RBL1: variants seen among roughly 807,000 people sequenced by gnomAD.
RBL1 encodes the protein retinoblastoma-like protein 1.
A neutral mutation model predicts 123.0 loss-of-function variants in RBL1; 82 were observed. The ratio of observed to expected loss-of-function variants is 0.67; its 90% CI spans 0.56 to 0.80. The LOEUF is 0.80. Ranked by LOEUF, RBL1 falls within the 30% of genes least tolerant of loss-of-function variation. RBL1 has a pLI of 0.00. For synonymous variants in RBL1, 405 were observed against 441.3 expected (o/e 0.92, Z 1.03); for missense variants, 1,171 against 1,299.6 (o/e 0.90, Z 1.52).
intron 2 of RBL1, among the ~76,000 whole-genome samples, chr20:37,077,616 C>T (rs1368078503): frequency 6.6e-6 from 1 of 152,120 alleles, no homozygotes; most frequent in Non-Finnish European, 1.5e-5. Flanking sequence ...AAGCCTCCAT[C>T]GTGTGAGCCA....
chr20:36,998,321 G>C lies in RBL1; in HGVS notation c.*438C>G, dbSNP rs527954114. The C allele has an allele frequency of 6.5e-6, 1 of 152,790 alleles. No homozygotes were observed. The highest frequency in any genetic ancestry group is 2.4e-5 in the African/African-American group (1 of 41,526). 9.5% of individuals were successfully genotyped at this position (152,790 alleles called of 1,614,324 possible). A position where few individuals can be genotyped will look rare whatever the true frequency, so the allele number is the denominator to read the frequency against. On this transcript the variant is annotated 3_prime_UTR_variant, in exon 22 of 22. Coordinates refer to ENST00000373664, the MANE Select transcript of RBL1 (RefSeq NM_002895.5). ...TGGCTCACCACAACCTCCGCTTCCT[G>C]GGTTCAAGCAATTCTGCCTCAGCCT...
intron 2 of RBL1, among the ~76,000 whole-genome samples, chr20:37,080,941 C>T (rs1600597573): frequency 6.6e-6 from 1 of 152,176 alleles, no homozygotes; most frequent in Admixed American, 6.6e-5. Context: ...AAGGATCCAT[C>T]ATCAGACTGT....
At chr20:37,011,061 C>A (rs2064141592) in intron 19 of RBL1, among the ~76,000 whole-genome samples, 1 of 152,086 alleles carries the variant, frequency 6.6e-6, no homozygotes, top group Admixed American at 6.6e-5. Context: ...CTCAAGGGAT[C>A]CTCCTGCCTC....
intron 9 of RBL1, among the ~76,000 whole-genome samples, chr20:37,057,518 A>G (rs1013608240): frequency 2.0e-5 from 3 of 152,326 alleles, no homozygotes; most frequent in Admixed American, 2.0e-4. Flanking sequence ...TTGGAGAAAT[A>G]TCTGCTGAAT....
chr20:37,009,852 T>G (rs965479553), intron 19 of RBL1, among the ~76,000 whole-genome samples: 1 of 151,970 alleles, frequency 6.6e-6, no homozygotes, highest in Non-Finnish European at 1.5e-5. Flanking sequence ...CTATAAAAAT[T>G]TTTTTAAAAA....
chr20:37,068,996 G>C (rs539041794), intron 2 of RBL1, among the ~76,000 whole-genome samples: 1 of 152,224 alleles, frequency 6.6e-6, no homozygotes, highest in African/African-American at 2.4e-5. Flanking sequence ...TTGCAGGCTC[G>C]GGCCGCCACG....
chr20:37,073,637 G>A (rs2065315704), intron 2 of RBL1, among the ~76,000 whole-genome samples: 1 of 149,770 alleles, frequency 6.7e-6, no homozygotes, highest in East Asian at 2.0e-4. Flanking sequence ...GGTCAAGGCT[G>A]CAGTGAGCTG....
intron 2 of RBL1, chr20:37,082,080 C>T (rs1356538492): frequency 2.2e-6 from 1 of 452,850 alleles, no homozygotes; most frequent in East Asian, 7.0e-5. Flanking sequence ...GCCTGCAAGG[C>T]TGGGCCAGGA....
intron 2 of RBL1, among the ~76,000 whole-genome samples, chr20:37,079,929 G>A (rs1600595348): frequency 6.6e-6 from 1 of 152,174 alleles, no homozygotes; most frequent in East Asian, 1.9e-4. Context: ...GAAAAATTTA[G>A]AAACATCAAT....
chr20:37,007,492 A>C lies in RBL1; in HGVS notation c.2790T>G (p.Leu930=). Residue 930 remains leucine (L), a synonymous_variant, in exon 20 of 22, where the codon CTT becomes CTG. Transcript: ENST00000373664. ...CATATATTGTATTGTAAAATTTTATAAGATCACCTCTTTCCTCTTTCACTG... is the reference window on the plus strand; with the variant it reads ...CATATATTGTATTGTAAAATTTTATCAGATCACCTCTTTCCTCTTTCACTG... ...SGPVKEERGD[L]IKFYNTIYVG... 6.2e-7 allele frequency: 1 copy of C among 1,613,934 alleles called. No individual in the cohort carries two copies. Among genetic ancestry groups the C allele is most frequent in the Non-Finnish European group, 8.5e-7 (1 of 1,179,856 alleles).
intron 1 of RBL1, among the ~76,000 whole-genome samples, 170 bp from the exon 2 acceptor site, chr20:37,089,292 G>A (rs1345506220): frequency 6.6e-6 from 1 of 152,100 alleles, no homozygotes; most frequent in African/African-American, 2.4e-5. Context: ...TTGCAGTAAT[G>A]GGTATAAAAC....
chr20:37,069,652 G>A (rs997143148), intron 2 of RBL1, among the ~76,000 whole-genome samples: 12 of 151,118 alleles, frequency 7.9e-5, no homozygotes, highest in Admixed American at 4.6e-4. Flanking sequence ...CAGCCGCCCC[G>A]TCTGAGAAGT....
chr20:37,019,471 C>A (rs1384673008), intron 18 of RBL1, among the ~76,000 whole-genome samples: 10 of 152,190 alleles, frequency 6.6e-5, no homozygotes, highest in Admixed American at 5.2e-4. Context: ...CAATCTAGAG[C>A]TTTCTAGGCT....
intron 12 of RBL1, among the ~76,000 whole-genome samples, chr20:37,045,073 T>TTTAC (rs1331125497): frequency 3.9e-4 from 50 of 129,110 alleles, no homozygotes; most frequent in Non-Finnish European, 6.3e-4. Flanking sequence ...AATATTCACA[T>TTTAC]TTATTTACTT....
intron 2 of RBL1, among the ~76,000 whole-genome samples, chr20:37,082,409 C>T (rs1008216482): frequency 2.6e-5 from 4 of 152,068 alleles, no homozygotes; most frequent in Non-Finnish European, 5.9e-5. Flanking sequence ...GTATGCTGAA[C>T]TTAAAAATTG....
At chr20:37,067,503 T>C (rs188035957) in intron 3 of RBL1, among the ~76,000 whole-genome samples, 224 of 151,824 alleles carry the variant, frequency 1.5e-3, no homozygotes, top group Admixed American at 2.5e-3. Flanking sequence ...GTGTGGTGGC[T>C]CATGCCTGTA....
At chr20:37,046,982 CTAAGA>C (rs1568855072) in intron 12 of RBL1, 66 bp downstream of exon 12, 1 of 1,482,006 alleles carries the variant, frequency 6.7e-7, no homozygotes, top group Non-Finnish European at 8.9e-7. Flanking sequence ...TTCTTCAGCA[CTAAGA>C]TAAATACAAT....
chr20:37,034,603 G>A (rs2064571525), intron 15 of RBL1, among the ~76,000 whole-genome samples: 1 of 152,064 alleles, frequency 6.6e-6, no homozygotes, highest in African/African-American at 2.4e-5. Context: ...ACGATCACTT[G>A]AGCCTGGGAG....
At chr20:37,069,280 C>T (rs1302820979) in intron 2 of RBL1, among the ~76,000 whole-genome samples, 8 of 152,134 alleles carry the variant, frequency 5.3e-5, no homozygotes, top group African/African-American at 1.7e-4. Flanking sequence ...AAGTGAGGAG[C>T]GTCTCTGCCT....
Sources: gnomAD v4.1 joint callset for allele counts (sites outside exome capture counted in the v4.1 genomes callset) on GRCh38, gnomAD v4.1.1 for gene constraint, MANE v1.5 for transcripts, NCBI Gene and HGNC (gene_info 2026-07-23, HGNC 2026-07-21) for gene names.